GPHN: variants seen among roughly 807,000 people sequenced by gnomAD.
The protein encoded by GPHN is gephyrin.
Under a neutral mutation model 95.5 loss-of-function variants are expected in GPHN, and 17 were observed. The observed-to-expected ratio is 0.18, with a 90% CI of 0.12 to 0.27. The LOEUF is 0.27. Among genes scored for constraint, GPHN ranks in the 10% least tolerant of loss-of-function variants. The pLI, the probability that GPHN is intolerant of heterozygous loss-of-function variation, is 1.00. For synonymous variants in GPHN, 320 were observed against 322.5 expected (o/e 0.99, Z 0.08); for missense variants, 660 against 978.1 (o/e 0.67, Z 4.34).
chr14:67,198,905 A>G, the GPHN span: 1 of 693,264 alleles, frequency 1.4e-6, no homozygotes. Flanking sequence ...TAAAGTTCCT[A>G]GAAATTCCAT....
the GPHN span, chr14:67,733,838 G>A: frequency 9.9e-6 from 16 of 1,611,116 alleles, no homozygotes; most frequent in African/African-American, 2.7e-5. Flanking sequence ...CTAGGAATCC[G>A]GTGGGAGTAG....
chr14:67,284,438 A>AAAAAAAAAAAAAAAAAAC, the GPHN span, among the ~76,000 whole-genome samples: 432 of 145,750 alleles, frequency 3.0e-3, 8 homozygotes, highest in Non-Finnish European at 4.9e-3. Context: ...TTAAAAAAAA[A>AAAAAAAAAAAAAAAAAAC]AAAAAACAGC....
intron 1 of GPHN, among the ~76,000 whole-genome samples, chr14:66,561,740 C>G (rs2060256075): frequency 6.6e-6 from 1 of 152,008 alleles, no homozygotes; most frequent in Non-Finnish European, 1.5e-5. Flanking sequence ...TATTGTTATA[C>G]AAAATTACCA....
chr14:67,505,422 A>T, the GPHN span, among the ~76,000 whole-genome samples: 3 of 152,174 alleles, frequency 2.0e-5, no homozygotes, highest in Non-Finnish European at 4.4e-5. Flanking sequence ...AGACATCCAA[A>T]GGGTGGGACA....
intron 4 of GPHN, among the ~76,000 whole-genome samples, chr14:66,828,033 G>A (rs1681790902): frequency 6.6e-6 from 1 of 151,708 alleles, no homozygotes; most frequent in Non-Finnish European, 1.5e-5. Context: ...TTTCTTAAAT[G>A]GATTTAAAAT....
intron 1 of GPHN, among the ~76,000 whole-genome samples, chr14:66,539,705 G>A (rs550512135): frequency 6.6e-6 from 1 of 152,242 alleles, no homozygotes; most frequent in Non-Finnish European, 1.5e-5. Flanking sequence ...ACAGGTGTGA[G>A]CCACCACGCC....
At chr14:67,685,678 T>C in the GPHN span, among the ~76,000 whole-genome samples, 171 of 152,106 alleles carry the variant, frequency 1.1e-3, no homozygotes, top group East Asian at 0.011. Context: ...TGGAGTGCAG[T>C]GGCATGATCT....
chr14:67,359,968 A>G, the GPHN span: 1 of 535,354 alleles, frequency 1.9e-6, no homozygotes, highest in South Asian at 2.5e-5. Context: ...TCGCCTCCCA[A>G]CCCCTCCCCA....
chr14:66,914,690 A>G (rs1026944787), intron 5 of GPHN, among the ~76,000 whole-genome samples: 3 of 152,088 alleles, frequency 2.0e-5, no homozygotes, highest in Non-Finnish European at 4.4e-5. Flanking sequence ...GATTTATTCA[A>G]TAAATTGCTA....
chr14:66,640,193 C>T (rs144013641), intron 1 of GPHN, among the ~76,000 whole-genome samples: 1,851 of 152,026 alleles, frequency 0.012, 23 homozygotes, highest in Non-Finnish European at 0.018. Context: ...GGCTGAGACA[C>T]GCGGATCACT....
At chr14:66,671,820 T>C (rs1340387646) in intron 1 of GPHN, among the ~76,000 whole-genome samples, 2 of 152,158 alleles carry the variant, frequency 1.3e-5, no homozygotes. Flanking sequence ...GTTTCCTCTT[T>C]GTTTCTGATA....
chr14:67,243,626 G>A, the GPHN span, among the ~76,000 whole-genome samples: 1 of 150,564 alleles, frequency 6.6e-6, no homozygotes, highest in Non-Finnish European at 1.5e-5. Flanking sequence ...CCGAGTAGTT[G>A]GGACTACAGG....
chr14:66,823,826 A>AT (rs2061295859), intron 3 of GPHN, among the ~76,000 whole-genome samples: 1 of 152,184 alleles, frequency 6.6e-6, no homozygotes, highest in Non-Finnish European at 1.5e-5. Flanking sequence ...CTATTTTTAA[A>AT]TTTTGACTCT....
chr14:66,756,330 A>G (rs2058553579), intron 2 of GPHN, among the ~76,000 whole-genome samples: 1 of 152,064 alleles, frequency 6.6e-6, no homozygotes, highest in East Asian at 1.9e-4. Context: ...TGTTGCTCAC[A>G]GTAATCCTGT....
chr14:66,603,009 C>T (rs79159774), intron 1 of GPHN, among the ~76,000 whole-genome samples: 2,913 of 151,736 alleles, frequency 0.019, 44 homozygotes, highest in Middle Eastern at 0.034. Flanking sequence ...TGGTTCTCTC[C>T]GTTAAACATA....
chr14:67,081,858 C>T (rs1195657932), intron 11 of GPHN, among the ~76,000 whole-genome samples: 1 of 152,142 alleles, frequency 6.6e-6, no homozygotes, highest in East Asian at 1.9e-4. Context: ...ATAGGGTGTC[C>T]TTTCCCCACT....
At chr14:66,902,454 G>A (rs1183126693) in intron 5 of GPHN, among the ~76,000 whole-genome samples, 1 of 151,984 alleles carries the variant, frequency 6.6e-6, no homozygotes, top group African/African-American at 2.4e-5. Flanking sequence ...GATCTTAGAG[G>A]AAAGGCGTTC....
At chr14:67,293,873 C>G in the GPHN span, among the ~76,000 whole-genome samples, 2 of 151,888 alleles carry the variant, frequency 1.3e-5, no homozygotes, top group Non-Finnish European at 2.9e-5. Context: ...TTGCTAAATA[C>G]AACAATGGGT....
chr14:67,733,988 C>A, the GPHN span: 1 of 653,052 alleles, frequency 1.5e-6, no homozygotes, highest in Non-Finnish European at 2.8e-6. Flanking sequence ...CTTGACCCTT[C>A]TGGGAATGTT....
Sources: gnomAD v4.1 joint callset for allele counts (sites outside exome capture counted in the v4.1 genomes callset) on GRCh38, gnomAD v4.1.1 for gene constraint, MANE v1.5 for transcripts, NCBI Gene and HGNC (gene_info 2026-07-23, HGNC 2026-07-21) for gene names.